The following DGKZ variants were observed in gnomAD, a reference collection of about 807,000 sequenced individuals.
The protein encoded by DGKZ is diacylglycerol kinase zeta.
DGKZ carries 45 observed loss-of-function variants against 142.5 expected under a neutral mutation model. The observed-to-expected ratio is 0.32, with a 90% CI of 0.25 to 0.40. The LOEUF (loss-of-function observed/expected upper bound fraction) is 0.40, where lower values mean the gene tolerates loss of function less well. Among genes scored for constraint, DGKZ ranks in the 10% least tolerant of loss-of-function variants. The pLI is 1.00. For synonymous variants in DGKZ, 442 were observed against 527.0 expected, an observed-to-expected ratio of 0.84 and a Z score of 2.21; for missense variants, 755 against 1,306.5, an observed-to-expected ratio of 0.58 and a Z score of 6.51.
intron 1 of DGKZ, among the ~76,000 whole-genome samples, chr11:46,352,595 T>C (rs1374466744): frequency 6.6e-6 from 1 of 152,078 alleles, no homozygotes. Flanking sequence ...CAGGGCCATG[T>C]TCATTAAGGC....
At chr11:46,333,509 G>A in intron 1 of DGKZ, 1 of 1,540,182 alleles carries the variant, frequency 6.5e-7, no homozygotes. Context: ...GTGGGCAGAG[G>A]GGAGCGCGGC....
intron 1 of DGKZ, among the ~76,000 whole-genome samples, chr11:46,335,628 G>A (rs1939979442): frequency 1.3e-5 from 2 of 152,318 alleles, no homozygotes; most frequent in South Asian, 4.1e-4. Flanking sequence ...CAACACCAGG[G>A]TGGACTCTGC....
chr11:46,355,157 A>G (rs558520047), intron 1 of DGKZ, among the ~76,000 whole-genome samples: 284 of 152,182 alleles, frequency 1.9e-3, no homozygotes, highest in Non-Finnish European at 3.1e-3. Flanking sequence ...CGCCCAGGCT[A>G]GAGTGCAGTG....
At position 46,367,217 on chromosome 11, in the gene DGKZ, G is replaced by C; in HGVS notation, c.162-74G>C. 2 of 1,409,026 alleles carry C rather than the reference G, an allele frequency of 1.4e-6. No homozygotes were observed. Among genetic ancestry groups the C allele is most frequent in the Non-Finnish European group, 9.8e-7 (1 of 1,018,444 alleles). The allele number at this position is 1,409,026 out of a possible 1,614,324, so 87.3% of individuals were successfully genotyped here. A position where few individuals can be genotyped will look rare whatever the true frequency, so the allele number is the denominator to read the frequency against. On this transcript the variant is annotated intron_variant, in intron 1 of 30. Transcript: ENST00000527911. The surrounding 1 kb of genome is among the most constrained non-coding windows in gnomAD (Gnocchi z 4.1). The stretch of plus-strand genomic sequence containing the variant: ...TGTTGCCGAGGTCACGGAAAGGGCA[G>C]AGGCCCCAGGAGGTGGGAGGAAGTA...
Position 46,372,822 on chromosome 11 carries a change from C to T in DGKZ, c.1123C>T (p.Pro375Ser). ...CCAGCTACGCCTGAAGCCGCCACCC[C>T]CTGTTGCCATCCTGCCCCTGGGTAC... The change falls in exon 13 of 31, where the codon CCT becomes TCT. Residue 375 changes from proline to serine, a missense_variant. Physicochemically the swap from Pro to Ser is moderately conservative, Grantham distance 74. Coordinates refer to ENST00000527911, the Ensembl canonical transcript of DGKZ. This position sits in a 1 kb window ranked among gnomAD's most constrained non-coding sequence, Gnocchi z 5.9. 1 of 1,603,212 alleles carries T rather than the reference C, an allele frequency of 6.2e-7. No individual in the cohort carries two copies. Among genetic ancestry groups the T allele is most frequent in the Non-Finnish European group, 8.5e-7 (1 of 1,175,030 alleles).
chr11:46,366,691 A>C lies in DGKZ; in HGVS notation c.162-600A>C, dbSNP rs749830865. The stretch of plus-strand genomic sequence containing the variant: ...GCACCAAGACACCAGGGCCACCCCC[A>C]CCTCGGGGCGCCCAGCCGCTGTTGC... On this transcript the variant is annotated intron_variant, in intron 1 of 30. Transcript: ENST00000527911. 3 of 1,568,406 alleles carry C rather than the reference A, an allele frequency of 1.9e-6. No homozygotes were observed. In the South Asian group the frequency reaches 3.5e-5, roughly 18 times the overall value.
chr11:46,362,392 G>A (rs1031622488), intron 1 of DGKZ, among the ~76,000 whole-genome samples: 27 of 152,170 alleles, frequency 1.8e-4, no homozygotes, highest in Admixed American at 1.2e-3. Context: ...TTCCTCATGC[G>A]GTGGGTGGTG....
chr11:46,375,735 C>A lies in DGKZ; in HGVS notation c.1910+104C>A. 8 of 1,504,472 alleles carry A rather than the reference C, an allele frequency of 5.3e-6. No individual in the cohort carries two copies. In the South Asian group the frequency reaches 1.0e-4, roughly 19 times the overall value. 93.2% of individuals were successfully genotyped at this position (1,504,472 alleles called of 1,614,324 possible). On this transcript the variant is annotated intron_variant, in intron 20 of 30. Transcript: ENST00000527911. The stretch of plus-strand genomic sequence containing the variant: ...AAAGGGGCTGACTGTCCCTCTGCCC[C>A]AGGGGTGTTGGGAGTGGAGCGGGAC...
rs1344795315 is a variant in DGKZ, at chr11:46,341,606, C to A, written c.212+8119C>A. The stretch of plus-strand genomic sequence containing the variant: ...TGGTCCAACCCAGAGAGGGTAATGA[C>A]TGGCCCACAGTCACACAGCAAGGGC... On this transcript the variant is annotated intron_variant, in intron 1 of 30. Coordinates refer to the DGKZ transcript ENST00000343674. Among the ~76,000 whole-genome samples the A allele has an allele frequency of 2.0e-5, 3 of 152,204 alleles. No homozygotes were observed. The East Asian group carries it at 5.8e-4, about 29-fold the overall frequency.
Position 46,367,510 on chromosome 11 carries a change from G to C in DGKZ, c.270+111G>C, listed in dbSNP as rs1166216251. On this transcript the variant is annotated intron_variant, in intron 2 of 30. Transcript: ENST00000527911. The surrounding 1 kb of genome is among the most constrained non-coding windows in gnomAD (Gnocchi z 4.1). Reference sequence around the variant, plus strand: ...GGGAGAGCCAAGCCTGGAAGGGTTGGGACAGTGGGGCAGACGGAACAGAGC... The same window carrying C: ...GGGAGAGCCAAGCCTGGAAGGGTTGCGACAGTGGGGCAGACGGAACAGAGC... The C allele has an allele frequency of 3.7e-6, 5 of 1,367,760 alleles. No homozygotes were observed. Among genetic ancestry groups the C allele is most frequent in the Non-Finnish European group, 5.0e-6 (5 of 996,560 alleles). The allele number at this position is 1,367,760 out of a possible 1,614,324, so 84.7% of individuals were successfully genotyped here. A position where few individuals can be genotyped will look rare whatever the true frequency, so the allele number is the denominator to read the frequency against.
chr11:46,379,090 G>A, exon 28 of DGKZ: 1 of 1,605,326 alleles, frequency 6.2e-7, no homozygotes, highest in Middle Eastern at 1.9e-4. Context: ...CAAGGATGTG[G>A]TCCGCTACCT....
chr11:46,345,415 C>T (rs746429267), upstream of DGKZ: 17 of 1,435,654 alleles, frequency 1.2e-5, no homozygotes, highest in African/African-American at 1.5e-5. This position sits in a 1 kb window ranked among gnomAD's most constrained non-coding sequence, Gnocchi z 4.1. Flanking sequence ...GCAGGATGAG[C>T]GCACCGGGGG....
intron 25 of DGKZ, chr11:46,377,688 T>G: frequency 4.6e-6 from 1 of 215,146 alleles, no homozygotes; most frequent in Non-Finnish European, 9.3e-6. Context: ...CCCCCCGTCA[T>G]TGCACTGGGC....
At chr11:46,353,941 C>G (rs1032716748) in intron 1 of DGKZ, among the ~76,000 whole-genome samples, 2 of 152,228 alleles carry the variant, frequency 1.3e-5, no homozygotes, top group African/African-American at 4.8e-5. Flanking sequence ...TCTCTCCGCC[C>G]CCTTCCCCAG....
At chr11:46,344,451 ATTT>A (rs552917575), upstream of DGKZ, among the ~76,000 whole-genome samples, 2 of 133,918 alleles carry the variant, frequency 1.5e-5, no homozygotes, top group Admixed American at 7.4e-5. Flanking sequence ...CATGAGCTCA[ATTT>A]TTTTTTTTTT....
intron 26 of DGKZ, 61 bp downstream of exon 26, chr11:46,378,290 G>A: frequency 6.4e-7 from 1 of 1,571,930 alleles, no homozygotes; most frequent in Non-Finnish European, 8.6e-7. Flanking sequence ...AGGCTCAGTG[G>A]GGTGGGGATA....
intron 1 of DGKZ, among the ~76,000 whole-genome samples, chr11:46,349,537 G>A (rs1240484787): frequency 2.6e-5 from 4 of 150,972 alleles, no homozygotes; most frequent in Non-Finnish European, 5.9e-5. Context: ...AGCAGGGTAG[G>A]TGGTATTCTT....
chr11:46,374,313 G>T (rs901251092), intron 15 of DGKZ, 78 bp downstream of exon 15: 2 of 1,612,508 alleles, frequency 1.2e-6, no homozygotes, highest in Non-Finnish European at 1.7e-6. Flanking sequence ...GCTCCCGCCA[G>T]TGAAGGCATC....
chr11:46,377,234 C>T, intron 25 of DGKZ, 22 bp downstream of exon 25: 1 of 1,556,258 alleles, frequency 6.4e-7, no homozygotes. Flanking sequence ...TGTCCCGTCC[C>T]TCCAGCCCCT....
Sources: allele counts gnomAD v4.1 joint callset (sites outside exome capture counted in the v4.1 genomes callset), GRCh38; gene constraint gnomAD v4.1.1; non-coding constraint Gnocchi (gnomAD v3.1); transcripts MANE v1.5; gene names NCBI Gene and HGNC (gene_info 2026-07-23, HGNC 2026-07-21).